The following MSRA variants were observed in gnomAD, a reference collection of about 807,000 sequenced individuals.
MSRA encodes mitochondrial peptide methionine sulfoxide reductase.
A neutral mutation model predicts 31.3 loss-of-function variants in MSRA; 54 were observed. The observed-to-expected ratio is 1.73, with a 90% CI of 1.39 to 2.17. The LOEUF (loss-of-function observed/expected upper bound fraction) is 2.17. Among genes scored for constraint, MSRA ranks in the 30% most tolerant of loss-of-function variants. The pLI is 0.00. For missense variants in MSRA, 507 were observed against 300.9 expected, an observed-to-expected ratio of 1.69 and a Z score of -5.07; for synonymous variants, 169 against 116.5, an observed-to-expected ratio of 1.45 and a Z score of -2.90.
intron 2 of MSRA, among the ~76,000 whole-genome samples, chr8:10,233,903 A>G (rs1026718846): frequency 6.6e-6 from 1 of 152,214 alleles, no homozygotes; most frequent in Non-Finnish European, 1.5e-5. Context: ...GAATATTAAG[A>G]ATAATGAAAA....
At chr8:10,086,084 A>C (rs538587074) in intron 1 of MSRA, among the ~76,000 whole-genome samples, 14 of 152,338 alleles carry the variant, frequency 9.2e-5, no homozygotes, top group Non-Finnish European at 1.9e-4. Flanking sequence ...AGTAGAAATA[A>C]CTGGTTCCTA....
chr8:10,105,540 A>G (rs1010926858), intron 1 of MSRA, among the ~76,000 whole-genome samples: 3 of 152,328 alleles, frequency 2.0e-5, no homozygotes, highest in Admixed American at 2.0e-4. Context: ...CTGCTATAGC[A>G]CACCGATAAT....
intron 5 of MSRA, among the ~76,000 whole-genome samples, chr8:10,331,898 A>T (rs1802723519): frequency 6.6e-6 from 1 of 152,164 alleles, no homozygotes; most frequent in South Asian, 2.1e-4. Flanking sequence ...ATTTATTTAT[A>T]ATAATTTTGA....
intron 5 of MSRA, among the ~76,000 whole-genome samples, chr8:10,408,709 T>G (rs1251802675): frequency 6.6e-6 from 1 of 152,176 alleles, no homozygotes; most frequent in Non-Finnish European, 1.5e-5. Flanking sequence ...CTTGTACCCA[T>G]TAGGTAATTT....
chr8:10,171,083 T>C (rs2129046318), intron 1 of MSRA, among the ~76,000 whole-genome samples: 1 of 152,322 alleles, frequency 6.6e-6, no homozygotes, highest in Admixed American at 6.5e-5. Flanking sequence ...TCATTTTTAC[T>C]TTTATTTTTG....
At chr8:10,334,841 C>G (rs971251905) in intron 5 of MSRA, among the ~76,000 whole-genome samples, 2 of 152,366 alleles carry the variant, frequency 1.3e-5, no homozygotes, top group South Asian at 2.1e-4. Context: ...CCATTTAACT[C>G]CAGCGCGCCA....
At chr8:10,248,106 A>G (rs1400019142) in intron 3 of MSRA, among the ~76,000 whole-genome samples, 1 of 151,982 alleles carries the variant, frequency 6.6e-6, no homozygotes, top group East Asian at 1.9e-4. Context: ...ACAAACAAAA[A>G]CCCCAAGGCT....
At chr8:10,365,399 C>T (rs1805103473) in intron 5 of MSRA, among the ~76,000 whole-genome samples, 1 of 152,152 alleles carries the variant, frequency 6.6e-6, no homozygotes, top group South Asian at 2.1e-4. Context: ...TCAGAATTTA[C>T]ATTGTTTCAT....
At chr8:10,195,775 G>A (rs1438350669) in intron 1 of MSRA, among the ~76,000 whole-genome samples, 1 of 152,210 alleles carries the variant, frequency 6.6e-6, no homozygotes, top group Non-Finnish European at 1.5e-5. Context: ...ATCAAGACAA[G>A]TTTGCTGTAA....
At chr8:10,364,811 G>T (rs142124815) in intron 5 of MSRA, among the ~76,000 whole-genome samples, 1 of 152,124 alleles carries the variant, frequency 6.6e-6, no homozygotes, top group African/African-American at 2.4e-5. Context: ...ACCACCCTCC[G>T]ACTTTGTTTT....
intron 2 of MSRA, among the ~76,000 whole-genome samples, chr8:10,223,411 C>T (rs1417416817): frequency 6.6e-6 from 1 of 152,140 alleles, no homozygotes; most frequent in Non-Finnish European, 1.5e-5. Flanking sequence ...TATAATGTAT[C>T]GATGAAGTAC....
intron 1 of MSRA, among the ~76,000 whole-genome samples, chr8:10,151,256 T>A (rs2129036726): frequency 9.4e-6 from 1 of 105,946 alleles, no homozygotes; most frequent in South Asian, 3.7e-4. Context: ...AGCGAGAGTC[T>A]GTCTCAAAAA....
At chr8:10,244,128 A>G (rs936678568) in intron 2 of MSRA, among the ~76,000 whole-genome samples, 1 of 152,140 alleles carries the variant, frequency 6.6e-6, no homozygotes, top group African/African-American at 2.4e-5. Context: ...TGTATAGTGT[A>G]TATTAATTTG....
chr8:10,214,621 A>G (rs1401128944), intron 2 of MSRA, among the ~76,000 whole-genome samples: 1 of 152,192 alleles, frequency 6.6e-6, no homozygotes, highest in Non-Finnish European at 1.5e-5. Context: ...CATTCCAGGA[A>G]AAAGGCCAGA....
intron 1 of MSRA, among the ~76,000 whole-genome samples, chr8:10,077,817 G>C (rs142258229): frequency 3.3e-5 from 5 of 152,238 alleles, no homozygotes; most frequent in Non-Finnish European, 5.9e-5. Flanking sequence ...CCATTTAGGA[G>C]GAGACTGTTG....
chr8:10,207,583 A>G (rs1232982569), intron 1 of MSRA, among the ~76,000 whole-genome samples: 2 of 152,138 alleles, frequency 1.3e-5, no homozygotes, highest in South Asian at 2.1e-4. Context: ...GTAGCCACCC[A>G]TTGTCCAGCT....
At chr8:10,296,403 A>C (rs1047043647) in intron 3 of MSRA, among the ~76,000 whole-genome samples, 6 of 152,194 alleles carry the variant, frequency 3.9e-5, no homozygotes, top group Non-Finnish European at 7.3e-5. Context: ...ACGCTTCCCA[A>C]ATACTTTCCC....
At chr8:10,371,770 C>T (rs116756259) in intron 5 of MSRA, among the ~76,000 whole-genome samples, 1,789 of 152,242 alleles carry the variant, frequency 0.012, 41 homozygotes, top group African/African-American at 0.041. Context: ...CTGCCTTCTC[C>T]GCTGTGCCTA....
intron 1 of MSRA, among the ~76,000 whole-genome samples, chr8:10,132,312 C>G (rs1322420591): frequency 6.6e-6 from 1 of 152,192 alleles, no homozygotes; most frequent in Non-Finnish European, 1.5e-5. Flanking sequence ...CCTGGCCACT[C>G]TCTGTTCTTT....
Sources: gnomAD v4.1 joint callset for allele counts (sites outside exome capture counted in the v4.1 genomes callset) on GRCh38, gnomAD v4.1.1 for gene constraint, MANE v1.5 for transcripts, NCBI Gene and HGNC (gene_info 2026-07-23, HGNC 2026-07-21) for gene names.